CFAP54: variants seen among roughly 807,000 people sequenced by gnomAD.
CFAP54 encodes cilia- and flagella-associated protein 54.
Under a neutral mutation model 370.4 loss-of-function variants are expected in CFAP54, and 290 were observed. The ratio of observed to expected loss-of-function variants is 0.78; its 90% CI spans 0.71 to 0.86. The LOEUF (loss-of-function observed/expected upper bound fraction) is 0.86. CFAP54 is among the 40% of genes least tolerant of loss of function. The pLI is 0.00. For synonymous variants in CFAP54, 1,206 were observed against 1,236.5 expected (o/e 0.98, Z 0.52); for missense variants, 3,399 against 3,528.7 (o/e 0.96, Z 0.93).
intron 27 of CFAP54, among the ~76,000 whole-genome samples, chr12:96,622,893 G>T (rs111408535): frequency 6.6e-6 from 1 of 151,918 alleles, no homozygotes; most frequent in African/African-American, 2.4e-5. Flanking sequence ...AGGATGTTTT[G>T]TCTAGAGGGA....
chr12:96,680,249 T>C (rs1411752844), intron 40 of CFAP54, among the ~76,000 whole-genome samples: 2 of 152,220 alleles, frequency 1.3e-5, no homozygotes, highest in African/African-American at 2.4e-5. Flanking sequence ...AAGCAAGATA[T>C]TCACTATTGT....
intron 66 of CFAP54, among the ~76,000 whole-genome samples, chr12:96,846,562 A>G (rs1208888783): frequency 1.3e-5 from 2 of 152,182 alleles, no homozygotes; most frequent in African/African-American, 4.8e-5. Flanking sequence ...TTGAGCAGTC[A>G]GAGTAAGTCT....
chr12:96,527,946 T>C (rs7306703), intron 9 of CFAP54, among the ~76,000 whole-genome samples: 20,841 of 152,202 alleles, frequency 0.14, 1,535 homozygotes, highest in Middle Eastern at 0.19. Context: ...TAGTAGATTT[T>C]TGGGGGGACT....
At chr12:96,558,699 C>T (rs969949480) in intron 17 of CFAP54, among the ~76,000 whole-genome samples, 1 of 151,942 alleles carries the variant, frequency 6.6e-6, no homozygotes, top group Admixed American at 6.6e-5. Flanking sequence ...CTAGACCCCT[C>T]TCTCTCTCAC....
At chr12:96,751,101 T>TA (rs1352681078) in intron 55 of CFAP54, among the ~76,000 whole-genome samples, 4 of 152,220 alleles carry the variant, frequency 2.6e-5, no homozygotes, top group African/African-American at 9.6e-5. Context: ...CATGGTTATT[T>TA]AAAATCTTTT....
intron 27 of CFAP54, 150 bp downstream of exon 27, chr12:96,621,871 GTTTGTTTTTTTTTTTTTTTT>G (rs1393926617): frequency 1.2e-4 from 6 of 51,430 alleles, no homozygotes; most frequent in African/African-American, 3.9e-4. Flanking sequence ...GAGCTTTTGG[GTTTGTTTTTTTTTTTTTTTT>G]TTTTTTTTTT....
At chr12:96,671,425 C>A (rs556018788) in intron 39 of CFAP54, among the ~76,000 whole-genome samples, 1 of 152,080 alleles carries the variant, frequency 6.6e-6, no homozygotes. Context: ...CTAATCTGTT[C>A]CTCCTGATAA....
At chr12:96,807,287 C>T (rs1317013063) in intron 63 of CFAP54, among the ~76,000 whole-genome samples, 1 of 152,100 alleles carries the variant, frequency 6.6e-6, no homozygotes, top group Admixed American at 6.6e-5. Flanking sequence ...TTTTCTCATC[C>T]CTACTATTGA....
intron 22 of CFAP54, among the ~76,000 whole-genome samples, chr12:96,585,544 A>G (rs1592864461): frequency 6.6e-6 from 1 of 150,514 alleles, no homozygotes; most frequent in African/African-American, 2.4e-5. Context: ...CTGGTCACGA[A>G]CTCCTGACCT....
At chr12:96,534,565 C>A (rs1955481836) in intron 11 of CFAP54, among the ~76,000 whole-genome samples, 1 of 152,184 alleles carries the variant, frequency 6.6e-6, no homozygotes, top group Admixed American at 6.5e-5. Context: ...GGCAGTGAAT[C>A]AGAGGACAAA....
chr12:96,490,283 A>C (rs534912146), intron 1 of CFAP54, among the ~76,000 whole-genome samples: 8 of 152,322 alleles, frequency 5.3e-5, no homozygotes, highest in African/African-American at 9.6e-5. Flanking sequence ...TAGAACTCCC[A>C]AAAAGGCAAA....
intron 47 of CFAP54, among the ~76,000 whole-genome samples, chr12:96,706,131 A>G (rs1280038971): frequency 6.6e-6 from 1 of 152,142 alleles, no homozygotes; most frequent in Non-Finnish European, 1.5e-5. Context: ...CAATACAGAA[A>G]AACTCCAAGC....
At position 96,663,834 on chromosome 12, in the gene CFAP54, C is replaced by G; in HGVS notation, c.5465C>G (p.Thr1822Ser). ...TTTTCACCTTTCTTTTTAAAGATAA[C>G]TTGCCGAAATTTCATTGGGAAGCAG... ...RYEAEYGEKI[T>S]CRNFIGKQLK... is the part of the protein sequence containing the mutation. The change falls in exon 39 of 68, where the codon ACT becomes AGT. Residue 1822 changes from threonine to serine, a missense_variant. Physicochemically the swap from Thr to Ser is moderately conservative, Grantham distance 58. Coordinates refer to ENST00000524981, the MANE Select transcript of CFAP54 (RefSeq NM_001306084.2). The G allele has an allele frequency of 6.2e-7, 1 of 1,610,940 alleles. No homozygotes were observed.
Position 96,691,157 on chromosome 12 carries a change from C to G in CFAP54, c.6111C>G (p.Pro2037=). Residue 2037 remains proline (P), a synonymous_variant, in exon 44 of 68, where the codon CCC becomes CCG. Coordinates refer to ENST00000524981, the MANE Select transcript of CFAP54 (RefSeq NM_001306084.2). The stretch of plus-strand genomic sequence containing the variant: ...TGCTTAGAACAACACTTCCACATCC[C>G]AAAGCTGAACGTTGCTATGCTCAAT... ...QGLLRTTLPH[P]KAERCYAQYE... 6.2e-7 allele frequency: 1 copy of G among 1,613,442 alleles called. No homozygotes were observed. Among genetic ancestry groups the G allele is most frequent in the Non-Finnish European group, 8.5e-7 (1 of 1,179,724 alleles).
intron 42 of CFAP54, among the ~76,000 whole-genome samples, chr12:96,687,795 G>A (rs1006579347): frequency 7.9e-5 from 12 of 152,270 alleles, no homozygotes; most frequent in Admixed American, 4.6e-4. Context: ...TTGGAGCTTG[G>A]CAATTGGGAA....
At chr12:96,522,328 A>G (rs1415202338) in intron 8 of CFAP54, 139 bp downstream of exon 8, 16 of 571,000 alleles carry the variant, frequency 2.8e-5, no homozygotes, top group Non-Finnish European at 4.4e-5. Flanking sequence ...TAGAGAGAAG[A>G]ATGTTTTTCT....
intron 60 of CFAP54, among the ~76,000 whole-genome samples, chr12:96,778,144 A>G (rs936978306): frequency 6.6e-6 from 1 of 152,348 alleles, no homozygotes; most frequent in African/African-American, 2.4e-5. Context: ...TTAAAATCTA[A>G]CAAGTTATTT....
chr12:96,862,641 A>G (rs1002547139), intron 67 of CFAP54, among the ~76,000 whole-genome samples: 1 of 152,224 alleles, frequency 6.6e-6, no homozygotes, highest in Non-Finnish European at 1.5e-5. Flanking sequence ...CTTTTAATGA[A>G]AGAGAAAAAG....
At chr12:96,830,782 G>C (rs970342899) in intron 66 of CFAP54, among the ~76,000 whole-genome samples, 1 of 152,014 alleles carries the variant, frequency 6.6e-6, no homozygotes, top group Non-Finnish European at 1.5e-5. Flanking sequence ...GGGTTCAAGT[G>C]ATTCTCCTGC....
Sources: allele counts gnomAD v4.1 joint callset (sites outside exome capture counted in the v4.1 genomes callset), GRCh38; gene constraint gnomAD v4.1.1; transcripts MANE v1.5; gene names NCBI Gene and HGNC (gene_info 2026-07-23, HGNC 2026-07-21).